The following ANTXR1 variants were observed in gnomAD, a reference collection of about 807,000 sequenced individuals.
ANTXR1 encodes the protein anthrax toxin receptor 1.
ANTXR1 carries 19 observed loss-of-function variants against 78.1 expected under a neutral mutation model. That is an observed-to-expected ratio of 0.24 (90% CI 0.17 to 0.36). The LOEUF is 0.36. Ranked by LOEUF, ANTXR1 falls within the 10% of genes least tolerant of loss-of-function variation. The pLI is 1.00. For missense variants in ANTXR1, 518 were observed against 718.6 expected (o/e 0.72, Z 3.19); for synonymous variants, 273 against 260.5 (o/e 1.05, Z -0.46).
chr2:69,097,800 G>C lies in ANTXR1; in HGVS notation c.704-5042G>C, dbSNP rs151336182. ...GGCTTGTGTACAAATGTTCATAGCA[G>C]CTCCATTTTTAATAGCCAAAAACAA... On this transcript the variant is annotated intron_variant, in intron 9 of 17. Coordinates refer to ENST00000303714, the MANE Select transcript of ANTXR1 (RefSeq NM_032208.3). 2.0e-3 allele frequency among the ~76,000 whole-genome samples: 310 copies of C among 152,320 alleles called. 1 individual carries two copies. Among genetic ancestry groups the C allele is most frequent in the African/African-American group, 7.3e-3 (305 of 41,572 alleles).
chr2:69,129,372 A>C (rs913456568), intron 12 of ANTXR1, among the ~76,000 whole-genome samples: 2 of 152,208 alleles, frequency 1.3e-5, no homozygotes, highest in African/African-American at 4.8e-5. Context: ...TCAATCAAGT[A>C]TGTCTTGAAC....
At chr2:69,234,567 G>A (rs768965805) in intron 17 of ANTXR1, among the ~76,000 whole-genome samples, 2 of 152,028 alleles carry the variant, frequency 1.3e-5, no homozygotes, top group African/African-American at 2.4e-5. Flanking sequence ...TCAGGAGTTC[G>A]AGACCAGCCT....
At chr2:69,231,452 C>G (rs1175028650) in intron 17 of ANTXR1, among the ~76,000 whole-genome samples, 1 of 152,154 alleles carries the variant, frequency 6.6e-6, no homozygotes, top group Non-Finnish European at 1.5e-5. Flanking sequence ...GGGAAACCTA[C>G]AACTCATACT....
rs372649191 is a variant in ANTXR1, at chr2:69,200,342, C to T, written c.1434+6927C>T. Among the ~76,000 whole-genome samples, 81 of 152,340 alleles carry T rather than the reference C, an allele frequency of 5.3e-4. 6 individuals carry two copies. The highest frequency in any genetic ancestry group is 3.5e-3 in the East Asian group (18 of 5,186). On this transcript the variant is annotated intron_variant, in intron 17 of 17. Coordinates refer to ENST00000303714, the MANE Select transcript of ANTXR1 (RefSeq NM_032208.3). ...CTGAAGCCTCAGAGGTTGTGAAATC[C>T]TCCCCAGCTGTTTCCAATAAGGGCG...
chr2:69,125,355 G>T (rs11126218), intron 12 of ANTXR1, among the ~76,000 whole-genome samples: 40,023 of 152,046 alleles, frequency 0.26, 5,928 homozygotes, highest in African/African-American at 0.39. Flanking sequence ...TGCCCTGACC[G>T]CATTCGAGAC....
chr2:69,191,038 C>T (rs993997391), intron 16 of ANTXR1, among the ~76,000 whole-genome samples: 29 of 152,272 alleles, frequency 1.9e-4, no homozygotes, highest in African/African-American at 6.3e-4. Flanking sequence ...CCAGGAAACC[C>T]ACCTGGTTAC....
intron 17 of ANTXR1, among the ~76,000 whole-genome samples, chr2:69,202,004 A>G (rs1200499875): frequency 2.0e-5 from 3 of 152,128 alleles, no homozygotes; most frequent in Non-Finnish European, 4.4e-5. Flanking sequence ...GACACCTCGC[A>G]TGCCTCACCC....
At chr2:69,069,184 C>T (rs955884177) in intron 3 of ANTXR1, among the ~76,000 whole-genome samples, 4 of 152,120 alleles carry the variant, frequency 2.6e-5, no homozygotes, top group African/African-American at 4.8e-5. Flanking sequence ...TCAGTTTTAA[C>T]AAAAGATTAC....
rs367737643 is a variant in ANTXR1 at position 69,162,022 on chromosome 2, G to GA, written c.1048-8215dup. 5.8e-3 allele frequency among the ~76,000 whole-genome samples: 862 copies of GA among 148,904 alleles called. 11 individuals carry two copies. Among genetic ancestry groups the GA allele is most frequent in the African/African-American group, 0.019 (782 of 40,798 alleles). On this transcript the variant is annotated intron_variant, in intron 13 of 17. Coordinates refer to ENST00000303714, the MANE Select transcript of ANTXR1 (RefSeq NM_032208.3). ...AGCGTGCAGGAAGTCATCATTTGTG[G>GA]AAAAAAAAAAATCCATTACTATTGA...
chr2:69,042,766 A>G (rs1669648321), intron 2 of ANTXR1, among the ~76,000 whole-genome samples: 1 of 152,126 alleles, frequency 6.6e-6, no homozygotes, highest in Admixed American at 6.5e-5. Context: ...TTGCTCGCCA[A>G]GGTCTCACCC....
chr2:69,207,184 T>C (rs918099723), intron 17 of ANTXR1, among the ~76,000 whole-genome samples: 7 of 152,268 alleles, frequency 4.6e-5, no homozygotes, highest in African/African-American at 1.7e-4. Flanking sequence ...AGTAGATTTA[T>C]GTGTCAAAGG....
At chr2:69,106,458 C>A (rs1364163106) in intron 10 of ANTXR1, among the ~76,000 whole-genome samples, 2 of 152,242 alleles carry the variant, frequency 1.3e-5, no homozygotes, top group African/African-American at 4.8e-5. Context: ...CCAGGCCAGG[C>A]TGCGGGCTGT....
intron 13 of ANTXR1, among the ~76,000 whole-genome samples, chr2:69,153,425 G>T (rs1347060890): frequency 1.3e-5 from 2 of 151,948 alleles, no homozygotes; most frequent in Non-Finnish European, 2.9e-5. Context: ...GGACCATATG[G>T]CAGGGACTTC....
At chr2:69,219,192 A>C (rs1675251143) in intron 17 of ANTXR1, among the ~76,000 whole-genome samples, 1 of 152,050 alleles carries the variant, frequency 6.6e-6, no homozygotes, top group Admixed American at 6.5e-5. Context: ...TGGTGGTCCT[A>C]CTATTTGATT....
intron 17 of ANTXR1, among the ~76,000 whole-genome samples, chr2:69,198,645 A>G (rs914832703): frequency 6.6e-6 from 1 of 152,218 alleles, no homozygotes; most frequent in Non-Finnish European, 1.5e-5. Context: ...TTACAGTCAA[A>G]TCTATAAATA....
chr2:69,070,983 G>A (rs1024843923), intron 4 of ANTXR1, among the ~76,000 whole-genome samples: 3 of 152,020 alleles, frequency 2.0e-5, no homozygotes, highest in African/African-American at 4.8e-5. Flanking sequence ...ACAAATTCAC[G>A]CCACACACAA....
intron 1 of ANTXR1, among the ~76,000 whole-genome samples, chr2:69,039,433 C>T (rs1214556872): frequency 3.3e-5 from 5 of 152,086 alleles, no homozygotes; most frequent in Non-Finnish European, 4.4e-5. Context: ...AAAGCTGTGT[C>T]GTTTTTCTTC....
In ANTXR1 at chr2:69,247,827, A is replaced by T. The variant is rs1676055788; in HGVS notation, c.*2342A>T. The stretch of plus-strand genomic sequence containing the variant: ...GCTGAGCAACGAGATGGTGAGCATC[A>T]GTGCAAATGCACCATTCAGCACATC... On this transcript the variant is annotated 3_prime_UTR_variant, in exon 18 of 18. Transcript: ENST00000303714. 1 of 152,304 alleles carries T rather than the reference A, an allele frequency of 6.6e-6. No individual in the cohort carries two copies. The highest frequency in any genetic ancestry group is 2.1e-4 in the South Asian group (1 of 4,836). The allele number at this position is 152,304 out of a possible 1,614,324, so 9.4% of individuals were successfully genotyped here.
intron 12 of ANTXR1, among the ~76,000 whole-genome samples, chr2:69,128,091 G>A (rs533534682): frequency 5.3e-4 from 81 of 152,192 alleles, no homozygotes; most frequent in African/African-American, 1.9e-3. Flanking sequence ...TGGCATGGTG[G>A]CACATGCCTG....
Sources: gnomAD v4.1 joint callset for allele counts (sites outside exome capture counted in the v4.1 genomes callset) on GRCh38, gnomAD v4.1.1 for gene constraint, MANE v1.5 for transcripts, NCBI Gene and HGNC (gene_info 2026-07-23, HGNC 2026-07-21) for gene names.